Variants in NFIB observed in about 807,000 individuals in gnomAD.
The protein encoded by NFIB is nuclear factor I B.
Under a neutral mutation model 61.5 loss-of-function variants are expected in NFIB, and 11 were observed. The observed-to-expected ratio is 0.18, with a 90% confidence interval of 0.11 to 0.30. The LOEUF (loss-of-function observed/expected upper bound fraction) is 0.30, where lower values mean the gene tolerates loss of function less well. NFIB is among the 10% of genes least tolerant of loss of function. NFIB has a pLI of 1.00. For synonymous variants in NFIB, 260 were observed against 216.5 expected, an observed-to-expected ratio of 1.20 and a Z score of -1.76; for missense variants, 471 against 608.9, an observed-to-expected ratio of 0.77 and a Z score of 2.38.
intron 10 of NFIB, among the ~76,000 whole-genome samples, chr9:14,090,587 C>CT (rs1339706776): frequency 6.6e-6 from 1 of 152,028 alleles, no homozygotes; most frequent in Non-Finnish European, 1.5e-5. Context: ...ATAGCTGGTG[C>CT]TATTTCTTAA....
chr9:14,243,907 T>A (rs1311795869), intron 2 of NFIB, among the ~76,000 whole-genome samples: 1 of 152,192 alleles, frequency 6.6e-6, no homozygotes, highest in East Asian at 1.9e-4. Context: ...GCAACTGCAT[T>A]AAAATGACAT....
the NFIB span, among the ~76,000 whole-genome samples, chr9:14,477,757 G>T: frequency 1.3e-5 from 2 of 152,164 alleles, no homozygotes; most frequent in Non-Finnish European, 2.9e-5. Flanking sequence ...AGTGGAGAAC[G>T]TATTCAGAAG....
intron 2 of NFIB, among the ~76,000 whole-genome samples, chr9:14,198,564 A>T (rs542296202): frequency 1.4e-4 from 22 of 152,296 alleles, no homozygotes; most frequent in Admixed American, 1.2e-3. Context: ...GTCATTTCAC[A>T]ATCAGTGACA....
the NFIB span, among the ~76,000 whole-genome samples, chr9:14,413,839 A>G: frequency 2.0e-5 from 3 of 152,178 alleles, no homozygotes; most frequent in Non-Finnish European, 4.4e-5. Context: ...TTGTTTCTAC[A>G]TTTTCAAAAT....
the NFIB span, among the ~76,000 whole-genome samples, chr9:14,410,881 A>G: frequency 1.3e-5 from 2 of 152,208 alleles, no homozygotes; most frequent in Non-Finnish European, 1.5e-5. Flanking sequence ...TCTCATTTCT[A>G]TTGATACAGG....
intron 1 of NFIB, among the ~76,000 whole-genome samples, chr9:14,331,525 T>C (rs1457643918): frequency 1.3e-5 from 2 of 152,256 alleles, no homozygotes; most frequent in African/African-American, 4.8e-5. Context: ...CAGGATTCAT[T>C]CAATACCCTG....
upstream of NFIB, among the ~76,000 whole-genome samples, chr9:14,401,612 T>G (rs370167115): frequency 5.9e-5 from 9 of 152,332 alleles, no homozygotes; most frequent in South Asian, 1.0e-3. Context: ...CTTTTAGGAA[T>G]GCAATTTCTG....
chr9:14,428,677 C>T, the NFIB span, among the ~76,000 whole-genome samples: 6 of 152,084 alleles, frequency 3.9e-5, no homozygotes, highest in Non-Finnish European at 8.8e-5. Flanking sequence ...AATTTTCTGC[C>T]TCAAAGCCTT....
At chr9:14,371,926 G>A (rs2061362405) in intron 1 of NFIB, among the ~76,000 whole-genome samples, 1 of 152,166 alleles carries the variant, frequency 6.6e-6, no homozygotes, top group Non-Finnish European at 1.5e-5. Flanking sequence ...TGACTTTTGT[G>A]CTAGAGCAGC....
At chr9:14,458,977 G>T in the NFIB span, among the ~76,000 whole-genome samples, 1 of 151,778 alleles carries the variant, frequency 6.6e-6, no homozygotes, top group African/African-American at 2.4e-5. Flanking sequence ...CATCCCCATC[G>T]AGCTACGATG....
the NFIB span, among the ~76,000 whole-genome samples, chr9:14,499,089 TGAGA>T: frequency 2.6e-5 from 4 of 151,516 alleles, no homozygotes; most frequent in Admixed American, 2.0e-4. Context: ...TGTGTGTGTG[TGAGA>T]GAGAGAGAAT....
At chr9:14,203,220 G>C (rs950275142) in intron 2 of NFIB, among the ~76,000 whole-genome samples, 1 of 151,536 alleles carries the variant, frequency 6.6e-6, no homozygotes, top group Non-Finnish European at 1.5e-5. Flanking sequence ...GGCATCTTTT[G>C]AGACAGAAAG....
chr9:14,184,490 T>C (rs2047129903), intron 2 of NFIB, among the ~76,000 whole-genome samples: 1 of 91,920 alleles, frequency 1.1e-5, no homozygotes, highest in Non-Finnish European at 2.6e-5. Context: ...GAGAGGCCAA[T>C]TCTATAAATC....
chr9:14,415,904 A>T, the NFIB span, among the ~76,000 whole-genome samples: 1 of 152,190 alleles, frequency 6.6e-6, no homozygotes, highest in Non-Finnish European at 1.5e-5. Context: ...CCACTGAGCC[A>T]TGAGCAAATC....
intron 1 of NFIB, among the ~76,000 whole-genome samples, chr9:14,329,983 C>T (rs182035303): frequency 1.3e-5 from 2 of 151,748 alleles, no homozygotes; most frequent in African/African-American, 4.8e-5. Flanking sequence ...ATTAGCTGGG[C>T]GTGGGTGGTG....
intron 2 of NFIB, among the ~76,000 whole-genome samples, chr9:14,185,343 G>C (rs2047228574): frequency 6.6e-6 from 1 of 152,146 alleles, no homozygotes. Flanking sequence ...AACTGATTAA[G>C]CTAAACATCT....
chr9:14,471,885 T>G, the NFIB span, among the ~76,000 whole-genome samples: 1 of 152,204 alleles, frequency 6.6e-6, no homozygotes, highest in African/African-American at 2.4e-5. Context: ...CTGAAGTGAT[T>G]GATCCACCTG....
In NFIB at chr9:14,289,143, T is replaced by TAC. The variant is rs776431082; in HGVS notation, c.562+17845_562+17846insGT. Among the ~76,000 whole-genome samples the TAC allele has an allele frequency of 2.3e-3, 335 of 145,842 alleles. 2 individuals carry two copies. Among genetic ancestry groups the TAC allele is most frequent in the East Asian group, 3.2e-3 (16 of 4,946 alleles). On this transcript the variant is annotated intron_variant, in intron 2 of 10. Coordinates refer to ENST00000380953, the MANE Select transcript of NFIB (RefSeq NM_001190737.2). Reference sequence around the variant, plus strand: ...ATATGTATATATATATATATATACATATATATATATTTGGTATGCCAAATA... The same window carrying TAC: ...ATATGTATATATATATATATATACATACATATATATATTTGGTATGCCAAATA...
At chr9:14,145,771 C>G (rs948878859) in intron 6 of NFIB, among the ~76,000 whole-genome samples, 1 of 151,686 alleles carries the variant, frequency 6.6e-6, no homozygotes, top group African/African-American at 2.4e-5. Context: ...CCACCTCAGC[C>G]TCCTGAGTAG....
Sources: gnomAD v4.1 joint callset for allele counts (sites outside exome capture counted in the v4.1 genomes callset) on GRCh38, gnomAD v4.1.1 for gene constraint, MANE v1.5 for transcripts, NCBI Gene and HGNC (gene_info 2026-07-23, HGNC 2026-07-21) for gene names.